The following MAGI3 variants were observed in gnomAD, a reference collection of about 807,000 sequenced individuals.
MAGI3 encodes membrane-associated guanylate kinase, WW and PDZ domain-containing protein 3.
MAGI3 carries 43 observed loss-of-function variants against 121.8 expected under a neutral mutation model. The ratio of observed to expected loss-of-function variants is 0.35; its 90% CI spans 0.28 to 0.46. The LOEUF (loss-of-function observed/expected upper bound fraction) is 0.46. MAGI3 is among the 20% of genes least tolerant of loss of function. MAGI3 has a pLI of 1.00. For synonymous variants in MAGI3, 553 were observed against 639.3 expected (o/e 0.86, Z 2.04); for missense variants, 1,547 against 1,797.3 (o/e 0.86, Z 2.52).
chr1:113,464,331 C>T (rs1655172376), intron 1 of MAGI3, among the ~76,000 whole-genome samples: 1 of 152,054 alleles, frequency 6.6e-6, no homozygotes, highest in Non-Finnish European at 1.5e-5. Flanking sequence ...ACAGGATTTC[C>T]TTCTTTTTTG....
chr1:113,476,479 A>G (rs1655826553), intron 1 of MAGI3, among the ~76,000 whole-genome samples: 1 of 152,026 alleles, frequency 6.6e-6, no homozygotes. Flanking sequence ...TTTGTTATTT[A>G]CCCAGTAGTC....
chr1:113,458,808 C>G (rs1166214609), intron 1 of MAGI3, among the ~76,000 whole-genome samples: 1 of 152,216 alleles, frequency 6.6e-6, no homozygotes, highest in Admixed American at 6.5e-5. Context: ...CTGCCTTGGC[C>G]TCCCAAAGTG....
chr1:113,561,958 T>G (rs866017417), intron 2 of MAGI3, among the ~76,000 whole-genome samples: 20 of 152,200 alleles, frequency 1.3e-4, no homozygotes, highest in Admixed American at 7.9e-4. Flanking sequence ...CTAGCATTCC[T>G]ATATATCAAC....
At chr1:113,508,033 G>T (rs896075327) in intron 1 of MAGI3, among the ~76,000 whole-genome samples, 1 of 152,094 alleles carries the variant, frequency 6.6e-6, no homozygotes, top group African/African-American at 2.4e-5. Flanking sequence ...CCTTTTAATG[G>T]CCATGGAGGT....
Position 113,658,972 on chromosome 1 carries a change from A to T in MAGI3, c.2630-108A>T. The T allele has an allele frequency of 1.1e-6, 1 of 930,540 alleles. No individual in the cohort carries two copies. 57.6% of individuals were successfully genotyped at this position (930,540 alleles called of 1,614,324 possible). On this transcript the variant is annotated intron_variant, in intron 15 of 20. Coordinates refer to ENST00000307546, the MANE Select transcript of MAGI3 (RefSeq NM_001142782.2). The surrounding 1 kb of genome is among the most constrained non-coding windows in gnomAD (Gnocchi z 4.0). ...TGTGGTACTTTTCTGTTATGTTTTTAAATAATTTTCTTTGATGTTATGTTG... is the reference window on the plus strand; with the variant it reads ...TGTGGTACTTTTCTGTTATGTTTTTTAATAATTTTCTTTGATGTTATGTTG...
At chr1:113,518,996 G>T (rs550503165) in intron 1 of MAGI3, among the ~76,000 whole-genome samples, 1 of 151,972 alleles carries the variant, frequency 6.6e-6, no homozygotes, top group African/African-American at 2.4e-5. Flanking sequence ...TGTTTCCCCC[G>T]TTACTACGAA....
At chr1:113,548,465 A>T (rs900075826) in intron 1 of MAGI3, among the ~76,000 whole-genome samples, 1 of 152,234 alleles carries the variant, frequency 6.6e-6, no homozygotes, top group African/African-American at 2.4e-5. Context: ...TGTATCTAGG[A>T]GTCAAGCAAG....
At chr1:113,680,040 A>C (rs1167586303) in intron 19 of MAGI3, among the ~76,000 whole-genome samples, 4 of 152,314 alleles carry the variant, frequency 2.6e-5, no homozygotes. Context: ...CACTAAGTTT[A>C]TGCCAGTTAC....
At chr1:113,405,474 C>CAAAAAAAAAAAAAAAAAA (rs5777158) in intron 1 of MAGI3, among the ~76,000 whole-genome samples, 2 of 54,328 alleles carry the variant, frequency 3.7e-5, no homozygotes, top group Admixed American at 2.8e-4. Context: ...GAAACTGTCT[C>CAAAAAAAAAAAAAAAAAA]AAAAAAAAAA....
chr1:113,433,579 C>T (rs2101428368), intron 1 of MAGI3, among the ~76,000 whole-genome samples: 1 of 152,272 alleles, frequency 6.6e-6, no homozygotes, highest in Non-Finnish European at 1.5e-5. Flanking sequence ...GGCTATACAG[C>T]TTTAATCCCA....
chr1:113,454,659 C>T (rs758394554), intron 1 of MAGI3, among the ~76,000 whole-genome samples: 4 of 152,182 alleles, frequency 2.6e-5, no homozygotes, highest in South Asian at 4.2e-4. Context: ...CCCCATCCCT[C>T]GACAGGCCCC....
intron 1 of MAGI3, among the ~76,000 whole-genome samples, chr1:113,472,477 C>T (rs907334475): frequency 6.6e-6 from 1 of 152,098 alleles, no homozygotes; most frequent in African/African-American, 2.4e-5. Context: ...AATTTAATCC[C>T]TTTACATTTA....
At chr1:113,563,813 G>A (rs1660332717) in intron 2 of MAGI3, among the ~76,000 whole-genome samples, 1 of 152,144 alleles carries the variant, frequency 6.6e-6, no homozygotes, top group Non-Finnish European at 1.5e-5. Context: ...ACCCCATGCA[G>A]TTTCCTGCCT....
chr1:113,622,961 G>A lies in MAGI3; in HGVS notation c.1327G>A (p.Gly443Ser), dbSNP rs1650929070. ...ACAAGTGAAAAATGTGCTGAAAGAT[G>A]GTCCCGCAGCTCAGGATGGGAAAAT... is the stretch of plus-strand genomic sequence containing the variant. ...FLQVKNVLKD[G>S]PAAQDGKIAP... The change falls in exon 9 of 21, where the codon GGT (glycine) becomes AGT (serine). Residue 443 changes from glycine to serine, a missense_variant. Gly to Ser is a moderately conservative substitution (Grantham distance 56). Coordinates refer to ENST00000307546, the MANE Select transcript of MAGI3 (RefSeq NM_001142782.2). The A allele has an allele frequency of 3.2e-6, 5 of 1,561,050 alleles. No individual in the cohort carries two copies. Among genetic ancestry groups the A allele is most frequent in the Non-Finnish European group, 4.3e-6 (5 of 1,160,680 alleles).
intron 12 of MAGI3, among the ~76,000 whole-genome samples, chr1:113,648,269 A>T (rs953098889): frequency 9.9e-5 from 15 of 152,272 alleles, no homozygotes; most frequent in Middle Eastern, 3.4e-3. Context: ...ATTATCAGGA[A>T]TTTACTAATC....
intron 5 of MAGI3, among the ~76,000 whole-genome samples, chr1:113,593,469 G>C (rs1231258085): frequency 6.6e-6 from 1 of 152,064 alleles, no homozygotes; most frequent in Non-Finnish European, 1.5e-5. Context: ...CTTGAGCCTA[G>C]GAAGTCAAGG....
intron 1 of MAGI3, among the ~76,000 whole-genome samples, chr1:113,518,017 A>G (rs1012177132): frequency 3.3e-5 from 5 of 151,946 alleles, no homozygotes; most frequent in African/African-American, 1.2e-4. Flanking sequence ...TTTTTTCTCC[A>G]CTGTCATGTA....
intron 1 of MAGI3, among the ~76,000 whole-genome samples, chr1:113,450,966 G>A (rs7543189): frequency 0.55 from 82,861 of 151,978 alleles, 23,888 homozygotes; most frequent in African/African-American, 0.72. Flanking sequence ...ATTGATTAAT[G>A]CAATGTAGTG....
At chr1:113,537,341 G>A (rs958185511) in intron 1 of MAGI3, among the ~76,000 whole-genome samples, 1 of 152,154 alleles carries the variant, frequency 6.6e-6, no homozygotes, top group Non-Finnish European at 1.5e-5. Flanking sequence ...GTGAACTCAT[G>A]GTGAATTAGA....
Sources: allele counts gnomAD v4.1 joint callset (sites outside exome capture counted in the v4.1 genomes callset), GRCh38; gene constraint gnomAD v4.1.1; non-coding constraint Gnocchi (gnomAD v3.1); transcripts MANE v1.5; gene names NCBI Gene and HGNC (gene_info 2026-07-23, HGNC 2026-07-21).